The following TRDMT1 variants were observed in gnomAD, a reference collection of about 807,000 sequenced individuals.
TRDMT1 encodes tRNA (cytosine(38)-C(5))-methyltransferase.
Under a neutral mutation model 51.2 loss-of-function variants are expected in TRDMT1, and 49 were observed. That is an observed-to-expected ratio of 0.96 (90% confidence interval 0.76 to 1.21). The LOEUF is 1.21. TRDMT1 is among the 50% of genes most tolerant of loss of function. The pLI is 0.00. For missense variants in TRDMT1, 534 were observed against 462.3 expected (o/e 1.16, Z -1.42); for synonymous variants, 187 against 164.6 (o/e 1.14, Z -1.04).
intron 2 of TRDMT1, chr10:17,169,206 C>T: frequency 3.2e-6 from 2 of 633,932 alleles, no homozygotes; most frequent in African/African-American, 1.9e-5. Flanking sequence ...TGTATCACAC[C>T]TCAAGTGTAA....
chr10:17,145,119 C>T lies in TRDMT1; in HGVS notation c.*3921G>A, dbSNP rs1470211120. The T allele has an allele frequency of 3.6e-5, 20 of 561,392 alleles. No individual in the cohort carries two copies. The highest frequency in any genetic ancestry group is 4.1e-5 in the African/African-American group (2 of 48,992). The allele number at this position is 561,392 out of a possible 1,614,324, so 34.8% of individuals were successfully genotyped here. ...AAAATTAGCTAGGTGTGGTGGCATG[C>T]GCCTGTAATCCCAGCTACTAGGGAG... On this transcript the variant is annotated 3_prime_UTR_variant, in exon 11 of 11. Coordinates refer to ENST00000377799, the MANE Select transcript of TRDMT1 (RefSeq NM_004412.7).
chr10:17,186,216 G>C (rs948556979), intron 1 of TRDMT1, among the ~76,000 whole-genome samples: 2 of 152,090 alleles, frequency 1.3e-5, no homozygotes, highest in Non-Finnish European at 1.5e-5. Context: ...TTCTTAAGGT[G>C]TGATAGGCAA....
rs373559244 is a variant in TRDMT1, at chr10:17,182,082, T to C, written c.65-7422A>G. On this transcript the variant is annotated intron_variant, in intron 1 of 10. Coordinates refer to ENST00000377799, the MANE Select transcript of TRDMT1 (RefSeq NM_004412.7). ...TAAGCCAATTAGGCACAATAAGAGGTGACCCCTGGCTTTTTCTTGTGTAAC... is the reference window on the plus strand; with the variant it reads ...TAAGCCAATTAGGCACAATAAGAGGCGACCCCTGGCTTTTTCTTGTGTAAC... Among the ~76,000 whole-genome samples, 44 of 152,290 alleles carry C rather than the reference T, an allele frequency of 2.9e-4. 2 individuals carry two copies. The South Asian group carries it at 8.9e-3, about 31-fold the overall frequency.
chr10:17,162,349 G>T, intron 3 of TRDMT1, 112 bp from the exon 4 acceptor site: 2 of 986,328 alleles, frequency 2.0e-6, no homozygotes, highest in East Asian at 2.6e-5. Flanking sequence ...AAAATAAGTT[G>T]GTCCTCACAA....
At chr10:17,178,123 A>G (rs1189819043) in intron 1 of TRDMT1, among the ~76,000 whole-genome samples, 2 of 152,220 alleles carry the variant, frequency 1.3e-5, no homozygotes, top group South Asian at 2.1e-4. Context: ...TTTCTAATCT[A>G]TATCTCATAT....
At chr10:17,160,448 T>C in intron 5 of TRDMT1, 74 bp from the exon 6 acceptor site, 1 of 1,029,048 alleles carries the variant, frequency 9.7e-7, no homozygotes, top group Non-Finnish European at 1.4e-6. Context: ...ACACAAAAGC[T>C]GGGTTTCTTT....
At chr10:17,154,548 T>C (rs1034184587) in intron 9 of TRDMT1, 129 bp downstream of exon 9, 4 of 466,380 alleles carry the variant, frequency 8.6e-6, no homozygotes, top group East Asian at 3.6e-5. Flanking sequence ...TATATGAATA[T>C]ACATATGAAT....
chr10:17,148,956 A>G lies in TRDMT1; in HGVS notation c.*84T>C. ...TAAAATAATTTAGTTAAATTTCACC[A>G]GAATTAGTTCAAAACAGAATTTCAG... On this transcript the variant is annotated 3_prime_UTR_variant, in exon 11 of 11. Coordinates refer to ENST00000377799, the MANE Select transcript of TRDMT1 (RefSeq NM_004412.7). 3 of 1,421,418 alleles carry G rather than the reference A, an allele frequency of 2.1e-6. No individual in the cohort carries two copies. The highest frequency in any genetic ancestry group is 2.8e-6 in the Non-Finnish European group (3 of 1,080,802). The allele number at this position is 1,421,418 out of a possible 1,614,324, so 88.1% of individuals were successfully genotyped here. A position where few individuals can be genotyped will look rare whatever the true frequency, so the allele number is the denominator to read the frequency against.
intron 1 of TRDMT1, among the ~76,000 whole-genome samples, chr10:17,192,163 T>A (rs541372049): frequency 6.6e-6 from 1 of 152,102 alleles, no homozygotes; most frequent in African/African-American, 2.4e-5. Context: ...GTTATAAATA[T>A]AGTCTGAAGG....
intron 1 of TRDMT1, among the ~76,000 whole-genome samples, chr10:17,178,463 G>A (rs1195482665): frequency 6.6e-6 from 1 of 152,042 alleles, no homozygotes; most frequent in East Asian, 1.9e-4. Flanking sequence ...ACCATTTGAG[G>A]TTCGGAGTTT....
At chr10:17,175,050 C>T (rs970557588) in intron 1 of TRDMT1, among the ~76,000 whole-genome samples, 4 of 152,192 alleles carry the variant, frequency 2.6e-5, no homozygotes, top group Admixed American at 6.5e-5. Flanking sequence ...TATAAATAAA[C>T]TACCATTTGT....
At chr10:17,197,414 G>T (rs1349037863) in intron 1 of TRDMT1, among the ~76,000 whole-genome samples, 2 of 152,084 alleles carry the variant, frequency 1.3e-5, no homozygotes, top group Admixed American at 6.5e-5. Flanking sequence ...AAATACAGAA[G>T]CATCTATGTA....
intron 1 of TRDMT1, among the ~76,000 whole-genome samples, chr10:17,195,366 T>C (rs1411869709): frequency 6.6e-5 from 10 of 152,078 alleles, no homozygotes; most frequent in Admixed American, 5.9e-4. Flanking sequence ...GAAAACCAAA[T>C]ACCTCATGTT....
Position 17,145,049 on chromosome 10 carries a change from A to AG in TRDMT1, c.*3990dup. On this transcript the variant is annotated 3_prime_UTR_variant, in exon 11 of 11. Coordinates refer to ENST00000377799, the MANE Select transcript of TRDMT1 (RefSeq NM_004412.7). ...GGATTAACTTGAGGTCAGGTGTTCG[A>AG]GACCAGCCTGGCCAACATGGTGAAA... 2 of 865,180 alleles carry AG rather than the reference A, an allele frequency of 2.3e-6. No individual in the cohort carries two copies. The highest frequency in any genetic ancestry group is 2.8e-6 in the Non-Finnish European group (2 of 720,360). 53.6% of individuals were successfully genotyped at this position (865,180 alleles called of 1,614,324 possible). A position where few individuals can be genotyped will look rare whatever the true frequency, so the allele number is the denominator to read the frequency against.
intron 1 of TRDMT1, among the ~76,000 whole-genome samples, chr10:17,193,466 T>C (rs1844973249): frequency 6.6e-6 from 1 of 152,228 alleles, no homozygotes; most frequent in African/African-American, 2.4e-5. Context: ...AGCTTCAGGA[T>C]ACTAAATTAA....
rs183556682 is a variant in TRDMT1 at position 17,147,925 on chromosome 10, C to T, written c.*1115G>A. 7.4e-3 allele frequency: 6,863 copies of T among 924,734 alleles called. 32 individuals carry two copies. Among genetic ancestry groups the T allele is most frequent in the Non-Finnish European group, 8.2e-3 (6,330 of 774,750 alleles). 57.3% of individuals were successfully genotyped at this position (924,734 alleles called of 1,614,324 possible). A position where few individuals can be genotyped will look rare whatever the true frequency, so the allele number is the denominator to read the frequency against. Reference sequence around the variant, plus strand: ...AACAGCAGCTGAACCATTTTACGTTCCCACAAGCAATGCACAAACTTCCAA... The same window carrying T: ...AACAGCAGCTGAACCATTTTACGTTTCCACAAGCAATGCACAAACTTCCAA... On this transcript the variant is annotated 3_prime_UTR_variant, in exon 11 of 11. Coordinates refer to ENST00000377799, the MANE Select transcript of TRDMT1 (RefSeq NM_004412.7).
At position 17,186,090 on chromosome 10, in the gene TRDMT1, T is replaced by A. The variant is rs114823565; in HGVS notation, c.65-11430A>T. Among the ~76,000 whole-genome samples, 794 of 107,000 alleles carry A rather than the reference T, an allele frequency of 7.4e-3. 8 individuals carry two copies. Among genetic ancestry groups the A allele is most frequent in the African/African-American group, 0.02 (723 of 35,416 alleles). The allele number at this position is 107,000 out of a possible 152,430, so 70.2% of individuals were successfully genotyped here. On this transcript the variant is annotated intron_variant, in intron 1 of 10. Coordinates refer to ENST00000377799, the MANE Select transcript of TRDMT1 (RefSeq NM_004412.7). ...AAATAAATAAATAAATAAATAAATATGGTCAATGCAGTTGTGAGCATCAAT... is the reference window on the plus strand; with the variant it reads ...AAATAAATAAATAAATAAATAAATAAGGTCAATGCAGTTGTGAGCATCAAT...
At position 17,146,180 on chromosome 10, in the gene TRDMT1, T is replaced by C. The variant is rs1315214951; in HGVS notation, c.*2860A>G. The C allele has an allele frequency of 2.0e-6, 2 of 985,318 alleles. No homozygotes were observed. Among genetic ancestry groups the C allele is most frequent in the African/African-American group, 1.7e-5 (1 of 57,242 alleles). 61.0% of individuals were successfully genotyped at this position (985,318 alleles called of 1,614,324 possible). ...AAGCAACAGTTTACCCTCAAATTTC[T>C]AAAAAAGTGCTGGGTGGACCCTCAC... On this transcript the variant is annotated 3_prime_UTR_variant, in exon 11 of 11. Coordinates refer to ENST00000377799, the MANE Select transcript of TRDMT1 (RefSeq NM_004412.7).
chr10:17,201,347 C>T, intron 1 of TRDMT1: 2 of 510,586 alleles, frequency 3.9e-6, no homozygotes, highest in South Asian at 2.8e-5. Context: ...GCGCCATGTG[C>T]GGCCCCTCGA....
Sources: allele counts gnomAD v4.1 joint callset (sites outside exome capture counted in the v4.1 genomes callset), GRCh38; gene constraint gnomAD v4.1.1; transcripts MANE v1.5; gene names NCBI Gene and HGNC (gene_info 2026-07-23, HGNC 2026-07-21).